NCKAP5: variants seen among roughly 807,000 people sequenced by gnomAD.
NCKAP5 encodes the protein nck-associated protein 5.
A neutral mutation model predicts 167.0 loss-of-function variants in NCKAP5; 92 were observed. The observed-to-expected ratio is 0.55, with a 90% CI of 0.47 to 0.66. The LOEUF (loss-of-function observed/expected upper bound fraction) is 0.66, where lower values mean the gene tolerates loss of function less well. Among genes scored for constraint, NCKAP5 ranks in the 30% least tolerant of loss-of-function variants. The pLI is 0.00. For synonymous variants in NCKAP5, 891 were observed against 877.4 expected (o/e 1.02, Z -0.27); for missense variants, 2,378 against 2,315.0 (o/e 1.03, Z -0.56).
At chr2:133,545,290 C>T (rs940084384) in intron 2 of NCKAP5, among the ~76,000 whole-genome samples, 3 of 152,024 alleles carry the variant, frequency 2.0e-5, no homozygotes, top group African/African-American at 7.3e-5. Context: ...GTCAGTGTGG[C>T]AGGAGATGCA....
intron 6 of NCKAP5, among the ~76,000 whole-genome samples, chr2:133,121,016 C>T (rs1053521358): frequency 1.2e-4 from 19 of 152,220 alleles, no homozygotes; most frequent in African/African-American, 4.3e-4. Context: ...AAGAGAGGAA[C>T]AGGGGAACAA....
intron 11 of NCKAP5, among the ~76,000 whole-genome samples, chr2:132,813,601 G>A (rs948554734): frequency 1.3e-5 from 2 of 152,174 alleles, no homozygotes. Context: ...AAGACATGCA[G>A]TGACTCCTCC....
At chr2:133,151,295 A>G (rs1297368922) in intron 5 of NCKAP5, among the ~76,000 whole-genome samples, 1 of 152,190 alleles carries the variant, frequency 6.6e-6, no homozygotes, top group African/African-American at 2.4e-5. Context: ...GATAAGTTGG[A>G]CTTCATTAAA....
At chr2:132,716,807 T>C (rs1303293722) in intron 19 of NCKAP5, among the ~76,000 whole-genome samples, 2 of 152,160 alleles carry the variant, frequency 1.3e-5, no homozygotes, top group African/African-American at 4.8e-5. Flanking sequence ...TTTGCTTTCT[T>C]AAGGGCCTCC....
chr2:133,275,563 C>T (rs779116909), intron 4 of NCKAP5, among the ~76,000 whole-genome samples: 4 of 151,948 alleles, frequency 2.6e-5, no homozygotes, highest in Non-Finnish European at 1.5e-5. Flanking sequence ...ATTTAAGCAA[C>T]TCTTCAATGA....
At chr2:132,734,720 T>C (rs542351837) in intron 16 of NCKAP5, among the ~76,000 whole-genome samples, 115 of 152,096 alleles carry the variant, frequency 7.6e-4, no homozygotes, top group African/African-American at 2.7e-3. Context: ...AAATGAGGAA[T>C]CACAGCTAAA....
At chr2:132,708,687 G>A (rs984114259) in intron 19 of NCKAP5, among the ~76,000 whole-genome samples, 1 of 152,200 alleles carries the variant, frequency 6.6e-6, no homozygotes, top group South Asian at 2.1e-4. Flanking sequence ...GCTGACCGTA[G>A]AGCGCTTCAT....
intron 16 of NCKAP5, among the ~76,000 whole-genome samples, chr2:132,763,684 G>A (rs956200273): frequency 3.3e-5 from 5 of 152,132 alleles, no homozygotes; most frequent in African/African-American, 7.2e-5. Flanking sequence ...GCCTTTTTCC[G>A]ACAGACAAAA....
intron 16 of NCKAP5, among the ~76,000 whole-genome samples, chr2:132,747,776 T>C (rs1679774686): frequency 6.6e-6 from 1 of 152,250 alleles, no homozygotes. Context: ...TATGTCATTA[T>C]GCAATGTGTA....
chr2:133,123,533 G>A (rs560961565), intron 6 of NCKAP5: 1 of 264,734 alleles, frequency 3.8e-6, no homozygotes, highest in Non-Finnish European at 7.8e-6. Flanking sequence ...ACACAGAGCA[G>A]CAGATGAGAG....
At chr2:133,113,549 T>C (rs1421648231) in intron 6 of NCKAP5, among the ~76,000 whole-genome samples, 1 of 152,178 alleles carries the variant, frequency 6.6e-6, no homozygotes. Context: ...CCTCTAGCCA[T>C]CCCCTTCCAC....
chr2:133,227,618 C>T (rs1379858843), intron 4 of NCKAP5, among the ~76,000 whole-genome samples: 1 of 152,170 alleles, frequency 6.6e-6, no homozygotes, highest in Non-Finnish European at 1.5e-5. Context: ...TTTTATAAAC[C>T]ATTCAACTAA....
chr2:132,996,446 T>C (rs1559032795), intron 6 of NCKAP5, among the ~76,000 whole-genome samples: 1 of 152,176 alleles, frequency 6.6e-6, no homozygotes, highest in East Asian at 1.9e-4. Context: ...CTGGTGATAC[T>C]TCTTAGAATG....
chr2:133,147,372 C>CT (rs2083236304), intron 5 of NCKAP5, among the ~76,000 whole-genome samples: 2 of 152,108 alleles, frequency 1.3e-5, no homozygotes, highest in South Asian at 4.1e-4. Context: ...CCATTTATCT[C>CT]TTTAGAGGAG....
chr2:132,705,249 G>A (rs1213429266), intron 19 of NCKAP5, among the ~76,000 whole-genome samples: 2 of 148,970 alleles, frequency 1.3e-5, no homozygotes, highest in Admixed American at 6.7e-5. Context: ...TACAATGTGT[G>A]GTAATTTCTC....
intron 5 of NCKAP5, among the ~76,000 whole-genome samples, chr2:133,154,472 G>A (rs1167456868): frequency 6.6e-6 from 1 of 152,236 alleles, no homozygotes; most frequent in East Asian, 1.9e-4. Context: ...AGCAACCCAT[G>A]TGAGCTGAAG....
chr2:133,168,951 A>T (rs2084121503), intron 5 of NCKAP5, among the ~76,000 whole-genome samples: 1 of 152,164 alleles, frequency 6.6e-6, no homozygotes, highest in Non-Finnish European at 1.5e-5. Flanking sequence ...CCAAATGGAC[A>T]GGCTGCCCCT....
intron 6 of NCKAP5, among the ~76,000 whole-genome samples, chr2:133,129,219 A>G (rs918154174): frequency 1.2e-4 from 18 of 151,918 alleles, no homozygotes; most frequent in African/African-American, 4.1e-4. Flanking sequence ...AGCATTAGGT[A>G]TATCTCCCAA....
chr2:133,279,002 T>C (rs2089843141), intron 4 of NCKAP5, among the ~76,000 whole-genome samples: 1 of 152,232 alleles, frequency 6.6e-6, no homozygotes, highest in Non-Finnish European at 1.5e-5. Context: ...ATTTAGATGT[T>C]GATCCTTTAT....
Sources: allele counts gnomAD v4.1 joint callset (sites outside exome capture counted in the v4.1 genomes callset), GRCh38; gene constraint gnomAD v4.1.1; transcripts MANE v1.5; gene names NCBI Gene and HGNC (gene_info 2026-07-23, HGNC 2026-07-21).